Variants in SDK1 observed in about 807,000 individuals in gnomAD.
The protein encoded by SDK1 is protein sidekick-1.
A neutral mutation model predicts 245.5 loss-of-function variants in SDK1; 157 were observed. The observed-to-expected ratio is 0.64, with a 90% CI of 0.56 to 0.73. SDK1 has a LOEUF of 0.73. Among genes scored for constraint, SDK1 ranks in the 30% least tolerant of loss-of-function variants. The pLI is 0.00. For synonymous variants in SDK1, 1,647 were observed against 1,278.5 expected (o/e 1.29, Z -6.15); for missense variants, 3,583 against 3,002.3 (o/e 1.19, Z -4.52).
rs577441685 is a variant in SDK1, at chr7:3,389,345, G to C, written c.298+87461G>C. On this transcript the variant is annotated intron_variant, in intron 1 of 44. Coordinates refer to ENST00000404826, the MANE Select transcript of SDK1 (RefSeq NM_152744.4). ...TTACAAGTGACCTTATAAGAGAGAGGAAACAGGATATTTAACTAAAGAGAA... is the reference window on the plus strand; with the variant it reads ...TTACAAGTGACCTTATAAGAGAGAGCAAACAGGATATTTAACTAAAGAGAA... 5.9e-5 allele frequency among the ~76,000 whole-genome samples: 9 copies of C among 152,132 alleles called. No individual in the cohort carries two copies. In the East Asian group the frequency reaches 1.7e-3, roughly 29 times the overall value.
intron 1 of SDK1, among the ~76,000 whole-genome samples, chr7:3,401,650 A>G (rs972153248): frequency 6.6e-6 from 1 of 151,412 alleles, no homozygotes; most frequent in East Asian, 1.9e-4. Flanking sequence ...TTTACTTCTT[A>G]CTTGCACTTT....
intron 1 of SDK1, among the ~76,000 whole-genome samples, chr7:3,395,267 A>G (rs1021483149): frequency 1.3e-5 from 2 of 151,980 alleles, no homozygotes; most frequent in South Asian, 4.1e-4. Context: ...AATATGATGC[A>G]TTACTTTAAT....
chr7:3,720,602 G>T (rs148752875), intron 4 of SDK1, among the ~76,000 whole-genome samples: 213 of 152,296 alleles, frequency 1.4e-3, no homozygotes, highest in Middle Eastern at 0.01. Flanking sequence ...AGAATGCAGA[G>T]AAACTGGATC....
At chr7:3,489,603 G>T (rs1420860241) in intron 1 of SDK1, among the ~76,000 whole-genome samples, 1 of 152,232 alleles carries the variant, frequency 6.6e-6, no homozygotes, top group African/African-American at 2.4e-5. Flanking sequence ...ATAGATGGAA[G>T]TGTAACTCAA....
intron 3 of SDK1, among the ~76,000 whole-genome samples, chr7:3,639,674 T>C (rs921692137): frequency 2.0e-5 from 3 of 152,214 alleles, no homozygotes; most frequent in African/African-American, 7.2e-5. Flanking sequence ...TAAATTTTCA[T>C]GTAGTCTTGA....
At chr7:3,734,451 A>G (rs1224261123) in intron 4 of SDK1, among the ~76,000 whole-genome samples, 1 of 152,210 alleles carries the variant, frequency 6.6e-6, no homozygotes, top group Non-Finnish European at 1.5e-5. Context: ...TAATCCACTT[A>G]TAGATGGTGT....
rs116798028 is a variant in SDK1, at chr7:4,147,656, C to T, written c.4424-1606C>T. On this transcript the variant is annotated intron_variant, in intron 29 of 44. Transcript: ENST00000404826. ...TATTAGCTGGAGGGACGGAAGCCCTCAGTCGCCACAGACACCCGAGGTGCT... is the reference window on the plus strand; with the variant it reads ...TATTAGCTGGAGGGACGGAAGCCCTTAGTCGCCACAGACACCCGAGGTGCT... 1.4e-3 allele frequency among the ~76,000 whole-genome samples: 212 copies of T among 152,216 alleles called. 1 individual carries two copies. Among genetic ancestry groups the T allele is most frequent in the African/African-American group, 5.0e-3 (207 of 41,528 alleles).
intron 2 of SDK1, among the ~76,000 whole-genome samples, chr7:3,626,134 C>T (rs971817244): frequency 1.7e-4 from 25 of 151,444 alleles, no homozygotes; most frequent in African/African-American, 6.1e-4. Context: ...GACACAGGGT[C>T]TTGCTATGTT....
chr7:3,960,817 T>C (rs998624666), intron 8 of SDK1, among the ~76,000 whole-genome samples: 2 of 152,214 alleles, frequency 1.3e-5, no homozygotes, highest in African/African-American at 4.8e-5. Context: ...AGTGGTTGCA[T>C]TGTTCTTTCT....
At chr7:3,645,133 G>T (rs575284147) in intron 4 of SDK1, among the ~76,000 whole-genome samples, 14 of 152,264 alleles carry the variant, frequency 9.2e-5, no homozygotes, top group African/African-American at 2.9e-4. Flanking sequence ...TAGAATGAAA[G>T]AACTTAATTT....
intron 1 of SDK1, among the ~76,000 whole-genome samples, chr7:3,517,453 G>A (rs968241746): frequency 4.6e-5 from 7 of 152,098 alleles, no homozygotes; most frequent in African/African-American, 1.7e-4. Flanking sequence ...AGAAACTCAA[G>A]TAGTGTTTTG....
intron 17 of SDK1, among the ~76,000 whole-genome samples, chr7:4,025,604 T>A (rs561939350): frequency 6.6e-6 from 1 of 152,356 alleles, no homozygotes; most frequent in Admixed American, 6.5e-5. Flanking sequence ...CTAGGAACCC[T>A]GTGAGGGCAG....
At chr7:3,391,252 T>C (rs948714757) in intron 1 of SDK1, among the ~76,000 whole-genome samples, 5 of 152,288 alleles carry the variant, frequency 3.3e-5, no homozygotes, top group Admixed American at 6.5e-5. Context: ...AAATAATAGA[T>C]AGACTCCATA....
At chr7:3,904,453 G>A (rs1002867725) in intron 5 of SDK1, among the ~76,000 whole-genome samples, 1 of 152,076 alleles carries the variant, frequency 6.6e-6, no homozygotes, top group African/African-American at 2.4e-5. Flanking sequence ...ATGCACTTTG[G>A]GAGGCTGAGG....
At chr7:3,731,899 A>C (rs767175799) in intron 4 of SDK1, among the ~76,000 whole-genome samples, 3 of 152,000 alleles carry the variant, frequency 2.0e-5, no homozygotes, top group Admixed American at 6.6e-5. Context: ...TCAAGCGATT[A>C]TCCTGCCTCA....
At chr7:4,078,999 C>T (rs1054595816) in intron 21 of SDK1, among the ~76,000 whole-genome samples, 12 of 152,286 alleles carry the variant, frequency 7.9e-5, no homozygotes, top group East Asian at 1.9e-4. Context: ...GGTGTCACGC[C>T]GCCTGGGAGC....
Position 4,233,236 on chromosome 7 carries a change from C to G in SDK1, c.5828-19C>G, listed in dbSNP as rs577312842. 6.2e-7 allele frequency: 1 copy of G among 1,606,516 alleles called. No individual in the cohort carries two copies. The highest frequency in any genetic ancestry group is 1.3e-5 in the African/African-American group (1 of 74,948). On this transcript the variant is annotated intron_variant, in intron 40 of 44. Coordinates refer to ENST00000404826, the MANE Select transcript of SDK1 (RefSeq NM_152744.4). The stretch of plus-strand genomic sequence containing the variant: ...TCGCACTTCTAACCTCTGCTCTCGC[C>G]TCCCCATCCCTCTTGCAGATGAAGG...
In SDK1 at chr7:4,127,463, A is replaced by G. The variant is rs372143196; in HGVS notation, c.3906A>G (p.Glu1302=). Residue 1302 remains glutamate (E), a synonymous_variant, in exon 26 of 45, where the codon GAA becomes GAG. Coordinates refer to ENST00000404826, the MANE Select transcript of SDK1 (RefSeq NM_152744.4). ...TACTGACATGGACATCCGTGCCGGA[A>G]CAGGACCAGAATGGGCTCATACTGG... is the stretch of plus-strand genomic sequence containing the variant. ...QILLTWTSVP[E]QDQNGLILGY... 9.9e-6 allele frequency: 16 copies of G among 1,614,062 alleles called. No individual in the cohort carries two copies. The highest frequency in any genetic ancestry group is 8.5e-6 in the Non-Finnish European group (10 of 1,180,004).
rs915582210 is a variant in SDK1, at chr7:3,440,039, C to T, written c.298+138155C>T. Among the ~76,000 whole-genome samples, 37 of 152,028 alleles carry T rather than the reference C, an allele frequency of 2.4e-4. 1 individual carries two copies. Among genetic ancestry groups the T allele is most frequent in the Middle Eastern group, 3.2e-3 (1 of 316 alleles). Reference sequence around the variant, plus strand: ...TGCTTTGACATATTCACAGTAGTCCCCTCTCACCTGCATATTCATTTTTTT... The same window carrying T: ...TGCTTTGACATATTCACAGTAGTCCTCTCTCACCTGCATATTCATTTTTTT... On this transcript the variant is annotated intron_variant, in intron 1 of 44. Coordinates refer to ENST00000404826, the MANE Select transcript of SDK1 (RefSeq NM_152744.4).
Sources: gnomAD v4.1 joint callset for allele counts (sites outside exome capture counted in the v4.1 genomes callset) on GRCh38, gnomAD v4.1.1 for gene constraint, MANE v1.5 for transcripts, NCBI Gene and HGNC (gene_info 2026-07-23, HGNC 2026-07-21) for gene names.